The following SHROOM4 variants were observed in gnomAD, a reference collection of about 807,000 sequenced individuals.
The protein encoded by SHROOM4 is protein Shroom4.
SHROOM4 carries 17 observed loss-of-function variants against 80.3 expected under a neutral mutation model. That is an observed-to-expected ratio of 0.21 (90% CI 0.14 to 0.32). SHROOM4 has a LOEUF of 0.32. Ranked by LOEUF, SHROOM4 falls within the 10% of genes least tolerant of loss-of-function variation. SHROOM4 has a pLI of 1.00. For missense variants in SHROOM4, 993 were observed against 1,140.3 expected (o/e 0.87, Z 1.86); for synonymous variants, 400 against 437.5 (o/e 0.91, Z 1.07).
intron 1 of SHROOM4, among the ~76,000 whole-genome samples, chrX:50,774,373 A>G (rs782780044): frequency 8.9e-6 from 1 of 111,749 alleles, no homozygotes; most frequent in Non-Finnish European, 1.9e-5. Flanking sequence ...TAATCTCAGA[A>G]AAAAACACCT....
intron 2 of SHROOM4, among the ~76,000 whole-genome samples, chrX:50,691,785 T>G (rs1933227407): frequency 8.9e-6 from 1 of 111,783 alleles, no homozygotes; most frequent in African/African-American, 3.3e-5. Context: ...GGCTGAATAT[T>G]CACAAATTTT....
intron 1 of SHROOM4, among the ~76,000 whole-genome samples, chrX:50,793,991 A>C (rs1981939628): frequency 9.0e-6 from 1 of 110,565 alleles, no homozygotes; most frequent in African/African-American, 3.3e-5. Flanking sequence ...AAATATGTGA[A>C]GGGAGAAAAA....
At chrX:50,730,793 A>T (rs1934352155) in intron 1 of SHROOM4, among the ~76,000 whole-genome samples, 1 of 110,965 alleles carries the variant, frequency 9.0e-6, no homozygotes, top group Non-Finnish European at 1.9e-5. Flanking sequence ...AAAAAAAAAA[A>T]AAATAACATT....
intron 5 of SHROOM4, among the ~76,000 whole-genome samples, chrX:50,618,520 C>T (rs1421490972): frequency 9.2e-6 from 1 of 109,102 alleles, no homozygotes; most frequent in South Asian, 4.0e-4. Context: ...GATTCTCATG[C>T]CTCAGCCTCC....
chrX:50,695,352 C>T (rs1933343159), intron 2 of SHROOM4, among the ~76,000 whole-genome samples: 1 of 111,569 alleles, frequency 9.0e-6, no homozygotes. Flanking sequence ...CCCTGCTAGA[C>T]TGTGCAATCC....
At chrX:50,618,279 C>G (rs1236087758) in intron 5 of SHROOM4, among the ~76,000 whole-genome samples, 3 of 74 alleles carry the variant, frequency 0.041, no homozygotes, top group African/African-American at 0.06. Flanking sequence ...CTTCTCTTCC[C>G]CTTCCTTCCT....
At chrX:50,799,434 C>G (rs1936075708) in intron 1 of SHROOM4, among the ~76,000 whole-genome samples, 1 of 111,440 alleles carries the variant, frequency 9.0e-6, no homozygotes, top group Non-Finnish European at 1.9e-5. Flanking sequence ...CTTTAGTGCC[C>G]TTACATAACC....
chrX:50,748,908 G>A (rs1400840602), intron 1 of SHROOM4, among the ~76,000 whole-genome samples: 1 of 112,301 alleles, frequency 8.9e-6, no homozygotes. Context: ...TAGTCAAAAA[G>A]TTTAGCCATT....
chrX:50,726,601 G>A (rs1934248008), intron 1 of SHROOM4, among the ~76,000 whole-genome samples: 1 of 112,696 alleles, frequency 8.9e-6, no homozygotes, highest in South Asian at 3.6e-4. Flanking sequence ...GGCTAAAAGG[G>A]AAAAACGTAC....
chrX:50,610,356 A>T lies in SHROOM4; in HGVS notation c.2958-2172T>A, dbSNP rs781996751. 7.6e-3 allele frequency among the ~76,000 whole-genome samples: 733 copies of T among 96,614 alleles called. 2 individuals are homozygous for T. Among genetic ancestry groups the T allele is most frequent in the East Asian group, 0.042 (132 of 3,179 alleles). The allele number at this position is 96,614 out of a possible 115,157, so 83.9% of individuals were successfully genotyped here. On this transcript the variant is annotated intron_variant, in intron 5 of 8. Coordinates refer to ENST00000376020, the MANE Select transcript of SHROOM4 (RefSeq NM_020717.5). ...TATTCTCTCTCTCTCTCTCTCTCAC[A>T]CACACACACACACACACACACACAC...
intron 1 of SHROOM4, among the ~76,000 whole-genome samples, chrX:50,701,261 A>G (rs924624444): frequency 1.8e-5 from 2 of 112,035 alleles, no homozygotes; most frequent in Non-Finnish European, 3.8e-5. Flanking sequence ...TGGTGAGGAC[A>G]GGGGAAGAAG....
At chrX:50,650,919 A>G (rs781971914) in intron 2 of SHROOM4, among the ~76,000 whole-genome samples, 17 of 111,909 alleles carry the variant, frequency 1.5e-4, no homozygotes, top group Non-Finnish European at 3.2e-4. Flanking sequence ...TTTTTTAAAA[A>G]TTCCATCTGA....
intron 1 of SHROOM4, among the ~76,000 whole-genome samples, chrX:50,717,289 C>G: frequency 8.9e-6 from 1 of 112,019 alleles, no homozygotes; most frequent in Non-Finnish European, 1.9e-5. Flanking sequence ...GCGATCTCAG[C>G]TCACTGCAAG....
At chrX:50,798,995 G>C (rs1450624741) in intron 1 of SHROOM4, among the ~76,000 whole-genome samples, 1 of 111,541 alleles carries the variant, frequency 9.0e-6, no homozygotes, top group South Asian at 3.8e-4. Context: ...TGATTTACTG[G>C]CTGCCTGGCC....
chrX:50,598,173 T>C (rs1929209683), intron 8 of SHROOM4, 93 bp downstream of exon 8: 1 of 1,118,406 alleles, frequency 8.9e-7, no homozygotes, highest in Admixed American at 2.2e-5. Flanking sequence ...CATGCTCTAC[T>C]GTTTCCTATA....
intron 2 of SHROOM4, among the ~76,000 whole-genome samples, chrX:50,685,822 C>T (rs969763033): frequency 1.8e-5 from 2 of 111,654 alleles, no homozygotes; most frequent in Non-Finnish European, 3.8e-5. Flanking sequence ...TTTGTTTTGG[C>T]AAGAGAGGTA....
intron 1 of SHROOM4, among the ~76,000 whole-genome samples, chrX:50,795,617 C>T (rs1935995870): frequency 9.0e-6 from 1 of 111,541 alleles, no homozygotes; most frequent in Admixed American, 9.5e-5. Context: ...GTAGCTGGGA[C>T]TAGAAATGCA....
chrX:50,620,985 G>A (rs1389310427), intron 5 of SHROOM4, among the ~76,000 whole-genome samples: 1 of 111,245 alleles, frequency 9.0e-6, no homozygotes, highest in African/African-American at 3.3e-5. Context: ...GTTGTACAAA[G>A]GCTTCCCCCC....
At chrX:50,636,229 C>T (rs1359703123) in intron 3 of SHROOM4, among the ~76,000 whole-genome samples, 2 of 110,733 alleles carry the variant, frequency 1.8e-5, no homozygotes, top group African/African-American at 6.6e-5. Context: ...CCAACAACTT[C>T]CCAGGTGCTG....
Sources: allele counts gnomAD v4.1 joint callset (sites outside exome capture counted in the v4.1 genomes callset), GRCh38; gene constraint gnomAD v4.1.1; transcripts MANE v1.5; gene names NCBI Gene and HGNC (gene_info 2026-07-23, HGNC 2026-07-21).